Variants in CUX1 observed in about 807,000 individuals in gnomAD.
CUX1 encodes the protein cut like homeobox 1, also known as protein CASP.
Under a neutral mutation model 158.8 loss-of-function variants are expected in CUX1, and 31 were observed. The ratio of observed to expected loss-of-function variants is 0.20; its 90% CI spans 0.15 to 0.26. CUX1 has a LOEUF of 0.26. Ranked by LOEUF, CUX1 falls within the 10% of genes least tolerant of loss-of-function variation. CUX1 has a pLI of 1.00. For missense variants in CUX1, 1,589 were observed against 2,014.6 expected, an observed-to-expected ratio of 0.79 and a Z score of 4.04; for synonymous variants, 879 against 862.1, an observed-to-expected ratio of 1.02 and a Z score of -0.34.
intron 2 of CUX1, chr7:101,932,635 G>A (rs1259186356): frequency 2.2e-6 from 1 of 453,616 alleles, no homozygotes; most frequent in Non-Finnish European, 4.4e-6. Flanking sequence ...GATAGCTTCT[G>A]TTTCCTTGAA....
chr7:102,201,025 T>TAAAA lies in CUX1; in HGVS notation c.2063-309_2063-306dup, dbSNP rs78359248. Among the ~76,000 whole-genome samples, 397 of 42,130 alleles carry TAAAA rather than the reference T, an allele frequency of 9.4e-3. 16 individuals are homozygous for TAAAA. The highest frequency in any genetic ancestry group is 0.031 in the African/African-American group (305 of 9,696). 27.6% of individuals were successfully genotyped at this position (42,130 alleles called of 152,430 possible). On this transcript the variant is annotated intron_variant, in intron 17 of 23. Transcript: ENST00000292535. This position sits in a 1 kb window ranked among gnomAD's most constrained non-coding sequence, Gnocchi z 5.0. ...CTGGACAACAGCGAGATCCTGTCGC[T>TAAAA]AAAAAAAAAAAAAAAAAAAAAAAAA... is the stretch of plus-strand genomic sequence containing the variant.
chr7:102,140,377 C>A (rs1304723715), intron 8 of CUX1, among the ~76,000 whole-genome samples: 19 of 152,130 alleles, frequency 1.2e-4, no homozygotes, highest in Admixed American at 1.2e-3. Flanking sequence ...TCCCAAGTAG[C>A]TGGAACTACA....
At chr7:101,910,921 G>A (rs1008485303) in intron 1 of CUX1, among the ~76,000 whole-genome samples, 10 of 152,234 alleles carry the variant, frequency 6.6e-5, no homozygotes, top group Admixed American at 6.5e-5. Context: ...GGAGTTGGGG[G>A]CAGAGAGAAA....
chr7:102,095,502 G>A (rs905522948), intron 4 of CUX1, among the ~76,000 whole-genome samples: 2 of 152,130 alleles, frequency 1.3e-5, no homozygotes, highest in Non-Finnish European at 2.9e-5. Flanking sequence ...ATCTGCTGAC[G>A]TTGAGCCCAA....
rs1563490614 is a variant in CUX1 at position 102,249,888 on chromosome 7, T to G, written c.*846T>G. 2.0e-6 allele frequency: 2 copies of G among 985,724 alleles called. No homozygotes were observed. Among genetic ancestry groups the G allele is most frequent in the East Asian group, 2.3e-4 (2 of 8,804 alleles). 61.1% of individuals were successfully genotyped at this position (985,724 alleles called of 1,614,324 possible). ...TTTTTAACAAAAAGAAAACGTCACA[T>G]CAGGAAACTCTGATTTTGTGGTAGC... On this transcript the variant is annotated 3_prime_UTR_variant, in exon 24 of 24. Transcript: ENST00000292535.
chr7:102,248,663 C>T lies in CUX1; in HGVS notation c.4139C>T (p.Thr1380Ile). Reference protein sequence around the residue: ...AEQTEPPPSGTPGPDDARDDD... With the variant: ...AEQTEPPPSGIPGPDDARDDD... ...CAGACGGAGCCGCCGCCCTCGGGGA[C>T]CCCGGGCCCGGACGACGCCCGCGAC... is the stretch of plus-strand genomic sequence containing the variant. Residue 1380 changes from threonine to isoleucine, a missense_variant, in exon 24 of 24, where the codon ACC becomes ATC. By Grantham distance (89) the Thr-to-Ile change is moderately conservative (BLOSUM62 -1). Transcript: ENST00000292535. The surrounding 1 kb of genome is among the most constrained non-coding windows in gnomAD (Gnocchi z 5.8). The T allele has an allele frequency of 7.5e-7, 1 of 1,338,874 alleles. No individual in the cohort carries two copies. Among genetic ancestry groups the T allele is most frequent in the Non-Finnish European group, 9.6e-7 (1 of 1,046,074 alleles). The allele number at this position is 1,338,874 out of a possible 1,614,324, so 82.9% of individuals were successfully genotyped here.
chr7:102,179,604 A>G (rs186972096), intron 11 of CUX1, among the ~76,000 whole-genome samples: 21 of 152,302 alleles, frequency 1.4e-4, no homozygotes, highest in Admixed American at 5.2e-4. Flanking sequence ...TCTATCCCAG[A>G]CGCAGAACCC....
chr7:102,185,610 T>G (rs868974272), intron 11 of CUX1, among the ~76,000 whole-genome samples: 2 of 151,764 alleles, frequency 1.3e-5, no homozygotes, highest in East Asian at 1.9e-4. Flanking sequence ...TTTTTTTGTT[T>G]TTTTTTTTTG....
chr7:101,943,256 G>A (rs994209992), intron 2 of CUX1, among the ~76,000 whole-genome samples: 10 of 151,814 alleles, frequency 6.6e-5, no homozygotes, highest in Non-Finnish European at 1.3e-4. Context: ...ACAGGTGCCC[G>A]CCACCATGCC....
intron 12 of CUX1, 38 bp downstream of exon 12, chr7:102,189,909 G>A (rs1219752301): frequency 2.5e-6 from 4 of 1,606,288 alleles, no homozygotes; most frequent in African/African-American, 2.7e-5. Flanking sequence ...CACACGCTGG[G>A]GCGCATTAGG....
At chr7:102,220,599 C>T (rs1586294659) in intron 20 of CUX1, among the ~76,000 whole-genome samples, 2 of 152,122 alleles carry the variant, frequency 1.3e-5, no homozygotes, top group South Asian at 4.1e-4. Context: ...TGGAAAGGCC[C>T]GCAGGCTGGG....
At chr7:102,209,380 G>A (rs1471606036) in intron 20 of CUX1, among the ~76,000 whole-genome samples, 1 of 152,196 alleles carries the variant, frequency 6.6e-6, no homozygotes, top group Non-Finnish European at 1.5e-5. Flanking sequence ...TTTTTAAGCA[G>A]CAGCGTCACT....
intron 2 of CUX1, among the ~76,000 whole-genome samples, chr7:102,022,756 A>G (rs28421615): frequency 0.27 from 40,556 of 152,260 alleles, 5,826 homozygotes; most frequent in Non-Finnish European, 0.31. Flanking sequence ...CAAAAGGCAT[A>G]TGATTGGAAT....
chr7:102,236,034 G>C (rs1305603067), intron 22 of CUX1, among the ~76,000 whole-genome samples: 1 of 152,090 alleles, frequency 6.6e-6, no homozygotes, highest in Non-Finnish European at 1.5e-5. Context: ...TAAGACTGCT[G>C]TTCATCCACA....
chr7:102,200,467 C>T (rs1233332378), intron 17 of CUX1, among the ~76,000 whole-genome samples: 2 of 152,026 alleles, frequency 1.3e-5, no homozygotes, highest in South Asian at 2.1e-4. Context: ...CTCAGTCTCC[C>T]GAGTAGCTGG....
intron 4 of CUX1, among the ~76,000 whole-genome samples, chr7:102,077,052 T>A (rs1179389314): frequency 2.1e-5 from 3 of 143,486 alleles, no homozygotes; most frequent in Admixed American, 7.0e-5. Flanking sequence ...AAAAAAAAAA[T>A]TAGAAAAAAG....
chr7:101,930,405 T>TCCA (rs1217314506), intron 2 of CUX1, among the ~76,000 whole-genome samples: 1 of 152,192 alleles, frequency 6.6e-6, no homozygotes, highest in Non-Finnish European at 1.5e-5. Context: ...ACTTTGAGAT[T>TCCA]ATGTCAGTCA....
At chr7:101,913,322 G>C in intron 1 of CUX1, 2 of 1,262,970 alleles carry the variant, frequency 1.6e-6, no homozygotes, top group Non-Finnish European at 2.1e-6. Flanking sequence ...GGTTTCCCAT[G>C]CCGACCTGCA....
At chr7:102,099,288 C>A (rs1233536600) in intron 5 of CUX1, among the ~76,000 whole-genome samples, 1 of 152,102 alleles carries the variant, frequency 6.6e-6, no homozygotes, top group African/African-American at 2.4e-5. Flanking sequence ...CTAGAAGGGA[C>A]AACTCTGTCC....
Sources: allele counts gnomAD v4.1 joint callset (sites outside exome capture counted in the v4.1 genomes callset), GRCh38; gene constraint gnomAD v4.1.1; non-coding constraint Gnocchi (gnomAD v3.1); transcripts MANE v1.5; gene names NCBI Gene and HGNC (gene_info 2026-07-23, HGNC 2026-07-21).